The following ARHGEF7 variants were observed in gnomAD, a reference collection of about 807,000 sequenced individuals.
ARHGEF7 encodes the protein Rho guanine nucleotide exchange factor 7.
Under a neutral mutation model 109.8 loss-of-function variants are expected in ARHGEF7, and 33 were observed. That is an observed-to-expected ratio of 0.30 (90% CI 0.23 to 0.40). ARHGEF7 has a LOEUF of 0.40. ARHGEF7 is among the 10% of genes least tolerant of loss of function. The pLI is 1.00. For missense variants in ARHGEF7, 938 were observed against 1,098.5 expected, an observed-to-expected ratio of 0.85 and a Z score of 2.07; for synonymous variants, 458 against 424.6, an observed-to-expected ratio of 1.08 and a Z score of -0.97.
At chr13:111,230,411 A>C (rs2085875109) in intron 5 of ARHGEF7, among the ~76,000 whole-genome samples, 1 of 152,054 alleles carries the variant, frequency 6.6e-6, no homozygotes, top group Non-Finnish European at 1.5e-5. Flanking sequence ...TTTTAATTTC[A>C]ATGCTGTTTT....
chr13:111,127,363 G>A (rs2067635687), intron 1 of ARHGEF7, among the ~76,000 whole-genome samples: 1 of 152,074 alleles, frequency 6.6e-6, no homozygotes, highest in Non-Finnish European at 1.5e-5. Flanking sequence ...AGCTCTTCTA[G>A]GAAATAAAAA....
At position 111,228,279 on chromosome 13, in the gene ARHGEF7, G is replaced by T. The variant is rs2085499042; in HGVS notation, c.671-4926G>T. On this transcript the variant is annotated intron_variant, in intron 5 of 21. Transcript: ENST00000646102. This position sits in a 1 kb window ranked among gnomAD's most constrained non-coding sequence, Gnocchi z 4.6. ...AAGCCATTGTTTTGACACACAGGAA[G>T]ATCTGAATATAGACTAGGCATTAGA... is the stretch of plus-strand genomic sequence containing the variant. Among the ~76,000 whole-genome samples the T allele has an allele frequency of 6.6e-6, 1 of 152,212 alleles. No individual in the cohort carries two copies. Among genetic ancestry groups the T allele is most frequent in the Non-Finnish European group, 1.5e-5 (1 of 68,036 alleles).
chr13:111,282,094 A>G (rs1382469155), intron 15 of ARHGEF7, among the ~76,000 whole-genome samples: 3 of 152,246 alleles, frequency 2.0e-5, no homozygotes, highest in Non-Finnish European at 2.9e-5. Context: ...GCTTCATAGC[A>G]TGACCTGCAT....
intron 19 of ARHGEF7, chr13:111,292,542 C>T (rs1360812325): frequency 1.1e-5 from 16 of 1,398,086 alleles, no homozygotes; most frequent in Non-Finnish European, 1.4e-5. Context: ...GGTGTGTTCA[C>T]GTGAGCCTAC....
rs1468268022 is a variant in ARHGEF7 at position 111,131,554 on chromosome 13, T to C, written c.165+15863T>C. 6.6e-6 allele frequency among the ~76,000 whole-genome samples: 1 copy of C among 152,072 alleles called. No individual in the cohort carries two copies. Among genetic ancestry groups the C allele is most frequent in the Non-Finnish European group, 1.5e-5 (1 of 68,004 alleles). On this transcript the variant is annotated intron_variant, in intron 1 of 21. Transcript: ENST00000646102. This position sits in a 1 kb window ranked among gnomAD's most constrained non-coding sequence, Gnocchi z 4.4. ...GAGGTTTCTTACAGGGCAGTTAAAGTGCGAACGTGAGAAGGCCAAGGGCCA... is the reference window on the plus strand; with the variant it reads ...GAGGTTTCTTACAGGGCAGTTAAAGCGCGAACGTGAGAAGGCCAAGGGCCA...
chr13:111,182,632 G>C (rs1267858206), intron 2 of ARHGEF7: 2 of 152,252 alleles, frequency 1.3e-5, no homozygotes, highest in African/African-American at 2.4e-5. Flanking sequence ...CTTGGAGACT[G>C]CTCCCACCTT....
chr13:111,255,925 T>C lies in ARHGEF7; in HGVS notation c.951-11623T>C, dbSNP rs1011294487. Among the ~76,000 whole-genome samples the C allele has an allele frequency of 2.6e-5, 4 of 152,238 alleles. No homozygotes were observed. Among genetic ancestry groups the C allele is most frequent in the African/African-American group, 9.7e-5 (4 of 41,450 alleles). ...ATGGAATCAGGTTGGAAGTAGAGAA[T>C]GATTTAATGAACTTCATGAATGGTG... On this transcript the variant is annotated intron_variant, in intron 8 of 21. Transcript: ENST00000646102. The surrounding 1 kb of genome is among the most constrained non-coding windows in gnomAD (Gnocchi z 4.1).
chr13:111,164,766 T>G (rs912265720), intron 2 of ARHGEF7, among the ~76,000 whole-genome samples: 1 of 152,210 alleles, frequency 6.6e-6, no homozygotes, highest in African/African-American at 2.4e-5. Flanking sequence ...CACGATTGCA[T>G]CCGTGACCCC....
intron 6 of ARHGEF7, chr13:111,241,192 T>C (rs1419659483): frequency 5.1e-5 from 79 of 1,535,974 alleles, no homozygotes; most frequent in Non-Finnish European, 1.4e-5. Flanking sequence ...CTGTGGGTCG[T>C]AAAAGCTGCC....
chr13:111,115,925 C>A (rs2066724078), intron 1 of ARHGEF7, among the ~76,000 whole-genome samples: 1 of 149,720 alleles, frequency 6.7e-6, no homozygotes, highest in African/African-American at 2.4e-5. Context: ...GCGGCGCGGG[C>A]GGCGGGGGTC....
At chr13:111,115,910 G>T (rs1209658970) in intron 1 of ARHGEF7, among the ~76,000 whole-genome samples, 1 of 150,744 alleles carries the variant, frequency 6.6e-6, no homozygotes, top group Non-Finnish European at 1.5e-5. Context: ...GGGTCGGGGG[G>T]AGGGGCGGCG....
intron 1 of ARHGEF7, chr13:111,144,094 G>C (rs909558582): frequency 3.3e-5 from 5 of 152,194 alleles, no homozygotes; most frequent in African/African-American, 1.2e-4. Context: ...CTGTAGTCTT[G>C]TTGGTCTCTC....
intron 1 of ARHGEF7, among the ~76,000 whole-genome samples, chr13:111,150,239 C>T (rs918139036): frequency 2.0e-5 from 3 of 152,216 alleles, no homozygotes; most frequent in Non-Finnish European, 4.4e-5. Flanking sequence ...TGTGAGGCCA[C>T]GTTCAAGTAC....
intron 2 of ARHGEF7, among the ~76,000 whole-genome samples, chr13:111,198,135 C>T (rs917919900): frequency 1.1e-4 from 17 of 152,046 alleles, no homozygotes; most frequent in East Asian, 3.9e-4. Flanking sequence ...TCTGAAGAGT[C>T]GGGGGTTGTT....
At chr13:111,156,658 C>A (rs1181687365) in intron 2 of ARHGEF7, among the ~76,000 whole-genome samples, 1 of 152,182 alleles carries the variant, frequency 6.6e-6, no homozygotes, top group Non-Finnish European at 1.5e-5. Context: ...ATCTCCCATG[C>A]GGGCCACAGT....
chr13:111,217,096 A>G (rs1422259084), intron 4 of ARHGEF7, among the ~76,000 whole-genome samples: 1 of 152,216 alleles, frequency 6.6e-6, no homozygotes, highest in East Asian at 1.9e-4. Context: ...ATTTAGAAAG[A>G]TGTATTAAAA....
At chr13:111,208,485 A>G (rs980851079) in intron 3 of ARHGEF7, among the ~76,000 whole-genome samples, 1 of 152,198 alleles carries the variant, frequency 6.6e-6, no homozygotes, top group African/African-American at 2.4e-5. Flanking sequence ...CAAGGCATTT[A>G]GTTGACTGTA....
intron 12 of ARHGEF7, among the ~76,000 whole-genome samples, chr13:111,276,560 A>G (rs2092494880): frequency 6.6e-6 from 1 of 152,224 alleles, no homozygotes; most frequent in Non-Finnish European, 1.5e-5. Context: ...TATTAGATCT[A>G]TACAGCACTG....
chr13:111,119,896 G>A (rs1046996560), intron 1 of ARHGEF7, among the ~76,000 whole-genome samples: 2 of 152,138 alleles, frequency 1.3e-5, no homozygotes, highest in Non-Finnish European at 2.9e-5. Flanking sequence ...ACATGTGGTG[G>A]TAGGGTAAGG....
Sources: allele counts gnomAD v4.1 joint callset (sites outside exome capture counted in the v4.1 genomes callset), GRCh38; gene constraint gnomAD v4.1.1; non-coding constraint Gnocchi (gnomAD v3.1); transcripts MANE v1.5; gene names NCBI Gene and HGNC (gene_info 2026-07-23, HGNC 2026-07-21).